The following LRP1B variants were observed in gnomAD, a reference collection of about 807,000 sequenced individuals.
LRP1B encodes the protein low-density lipoprotein receptor-related protein 1B.
A neutral mutation model predicts 556.6 loss-of-function variants in LRP1B; 217 were observed. The ratio of observed to expected loss-of-function variants is 0.39; its 90% CI spans 0.35 to 0.44. The LOEUF is 0.44. Ranked by LOEUF, LRP1B falls within the 20% of genes least tolerant of loss-of-function variation. LRP1B has a pLI of 1.00. For synonymous variants in LRP1B, 2,047 were observed against 1,865.8 expected (o/e 1.10, Z -2.50); for missense variants, 5,053 against 5,620.8 (o/e 0.90, Z 3.23).
chr2:141,291,700 C>T (rs944084435), intron 3 of LRP1B, among the ~76,000 whole-genome samples: 2 of 151,602 alleles, frequency 1.3e-5, no homozygotes, highest in African/African-American at 2.4e-5. Flanking sequence ...ACTGAAAATA[C>T]AAAAAATTAG....
chr2:140,272,187 T>G (rs1682488515), intron 85 of LRP1B, among the ~76,000 whole-genome samples: 1 of 151,514 alleles, frequency 6.6e-6, no homozygotes, highest in African/African-American at 2.4e-5. Context: ...CATCAAAGAG[T>G]GCAGCTCATA....
intron 1 of LRP1B, among the ~76,000 whole-genome samples, chr2:142,050,829 T>C (rs1303874208): frequency 6.6e-6 from 1 of 152,110 alleles, no homozygotes; most frequent in Non-Finnish European, 1.5e-5. Context: ...AATTTATATA[T>C]AGGAAATTAG....
intron 29 of LRP1B, among the ~76,000 whole-genome samples, chr2:140,841,295 G>A (rs574743322): frequency 1.5e-3 from 221 of 152,210 alleles, no homozygotes; most frequent in Middle Eastern, 3.4e-3. Context: ...TGAGCTATTT[G>A]AAAACCTGAA....
At chr2:141,767,370 ACTT>A (rs1209728041) in intron 2 of LRP1B, among the ~76,000 whole-genome samples, 1 of 152,056 alleles carries the variant, frequency 6.6e-6, no homozygotes, top group Non-Finnish European at 1.5e-5. Context: ...GTCTGCAGCC[ACTT>A]CTTAACCAAG....
intron 23 of LRP1B, among the ~76,000 whole-genome samples, chr2:140,893,674 A>G (rs1348718183): frequency 1.3e-5 from 2 of 152,220 alleles, no homozygotes; most frequent in Non-Finnish European, 1.5e-5. Flanking sequence ...TAACATTATA[A>G]TAATTAACTT....
At chr2:141,146,942 T>C (rs944730840) in intron 7 of LRP1B, among the ~76,000 whole-genome samples, 1 of 152,302 alleles carries the variant, frequency 6.6e-6, no homozygotes, top group East Asian at 1.9e-4. Context: ...TTTGTTCTGT[T>C]CTGTTCTTTG....
Position 140,994,089 on chromosome 2 carries a change from A to G in LRP1B, c.2550T>C (p.Phe850=), listed in dbSNP as rs2105359099. 1 of 1,612,768 alleles carries G rather than the reference A, an allele frequency of 6.2e-7. No individual in the cohort carries two copies. The change falls in exon 16 of 91, where the codon TTT becomes TTC. Residue 850 remains phenylalanine, a synonymous_variant. Transcript: ENST00000389484. ...GGATACAGTGTCTGTTTTTGCAGCG[A>G]AACTCTCCAGCTTTACATATGTGAG... ...ALPHICKAGE[F]RCKNRHCIQA...
intron 2 of LRP1B, among the ~76,000 whole-genome samples, chr2:141,534,592 A>G (rs1422078136): frequency 1.4e-4 from 22 of 152,034 alleles, no homozygotes. Flanking sequence ...CTCAACACAC[A>G]CAGAACAGGG....
At chr2:141,556,333 T>C (rs971842007) in intron 2 of LRP1B, among the ~76,000 whole-genome samples, 2 of 152,046 alleles carry the variant, frequency 1.3e-5, no homozygotes, top group South Asian at 4.1e-4. Context: ...GTTTGGCAAG[T>C]GTCTTTTGTG....
At chr2:140,282,353 AAATAAACTGATGCACATAGAGGTT>A (rs1334755372) in intron 84 of LRP1B, among the ~76,000 whole-genome samples, 1 of 151,806 alleles carries the variant, frequency 6.6e-6, no homozygotes, top group Non-Finnish European at 1.5e-5. Context: ...TTTTATAGAT[AAATAAACTGATGCACATAGAGGTT>A]AAGCAATTGC....
intron 41 of LRP1B, among the ~76,000 whole-genome samples, chr2:140,602,044 C>G (rs770841538): frequency 1.7e-4 from 26 of 151,994 alleles, no homozygotes; most frequent in Admixed American, 6.6e-5. Context: ...TCTCTTGATA[C>G]TATAGATCTG....
chr2:140,556,509 TCA>T (rs974784428), intron 43 of LRP1B, among the ~76,000 whole-genome samples: 12 of 152,052 alleles, frequency 7.9e-5, no homozygotes, highest in South Asian at 4.1e-4. Context: ...GCACAAAAAT[TCA>T]CAGATTTCAC....
intron 43 of LRP1B, among the ~76,000 whole-genome samples, chr2:140,552,304 A>T (rs944990674): frequency 4.6e-5 from 7 of 152,150 alleles, no homozygotes; most frequent in Non-Finnish European, 8.8e-5. Flanking sequence ...GTTATTATGG[A>T]TATTCTTATG....
intron 2 of LRP1B, among the ~76,000 whole-genome samples, chr2:141,629,842 T>C (rs921785024): frequency 2.0e-5 from 3 of 152,148 alleles, no homozygotes; most frequent in Non-Finnish European, 2.9e-5. Flanking sequence ...ATTCTTCTTA[T>C]GACCCTAGCA....
intron 1 of LRP1B, among the ~76,000 whole-genome samples, chr2:141,906,394 A>G (rs1237953674): frequency 6.6e-6 from 1 of 152,006 alleles, no homozygotes; most frequent in African/African-American, 2.4e-5. Flanking sequence ...AAACAAAGCA[A>G]ACTACTCTTT....
chr2:140,875,832 C>G (rs929046273), intron 25 of LRP1B, among the ~76,000 whole-genome samples: 1 of 152,064 alleles, frequency 6.6e-6, no homozygotes, highest in African/African-American at 2.4e-5. Context: ...TTATGGGAAA[C>G]TCCTATAATT....
intron 1 of LRP1B, among the ~76,000 whole-genome samples, chr2:142,124,639 G>A (rs944451206): frequency 6.6e-6 from 1 of 150,728 alleles, no homozygotes; most frequent in African/African-American, 2.4e-5. Flanking sequence ...TTCTCTTTGA[G>A]TACAAATGAA....
At chr2:141,239,787 G>C (rs1683794326) in intron 5 of LRP1B, among the ~76,000 whole-genome samples, 1 of 152,004 alleles carries the variant, frequency 6.6e-6, no homozygotes, top group African/African-American at 2.4e-5. Context: ...TAAGGAGAAG[G>C]GAGGTAGATA....
At chr2:140,374,111 ATTTACCTT>A (rs1460931963) in intron 68 of LRP1B, among the ~76,000 whole-genome samples, 1 of 152,172 alleles carries the variant, frequency 6.6e-6, no homozygotes, top group Non-Finnish European at 1.5e-5. Flanking sequence ...AAGATGGCAA[ATTTACCTT>A]TGAGGATCTG....
Sources: gnomAD v4.1 joint callset for allele counts (sites outside exome capture counted in the v4.1 genomes callset) on GRCh38, gnomAD v4.1.1 for gene constraint, MANE v1.5 for transcripts, NCBI Gene and HGNC (gene_info 2026-07-23, HGNC 2026-07-21) for gene names.